Variants in CMPK2 observed in about 807,000 individuals in gnomAD.
CMPK2 encodes UMP-CMP kinase 2, mitochondrial.
A neutral mutation model predicts 33.4 loss-of-function variants in CMPK2; 32 were observed. The observed-to-expected ratio is 0.96, with a 90% confidence interval of 0.72 to 1.29. The LOEUF is 1.29. CMPK2 is among the 50% of genes most tolerant of loss of function. CMPK2 has a pLI of 0.00. For missense variants in CMPK2, 672 were observed against 616.0 expected, an observed-to-expected ratio of 1.09 and a Z score of -0.96; for synonymous variants, 299 against 275.3, an observed-to-expected ratio of 1.09 and a Z score of -0.85.
chr2:6,858,427 T>A (rs1394856381), intron 3 of CMPK2, among the ~76,000 whole-genome samples: 1 of 152,242 alleles, frequency 6.6e-6, no homozygotes, highest in African/African-American at 2.4e-5. Context: ...ATGTTAAGTT[T>A]GCTCCATGAA....
At position 6,849,783 on chromosome 2, in the gene CMPK2, C is replaced by T. The variant is rs1418692885; in HGVS notation, c.*67G>A. On this transcript the variant is annotated 3_prime_UTR_variant, in exon 5 of 5. Coordinates refer to ENST00000256722, the MANE Select transcript of CMPK2 (RefSeq NM_207315.4). ...ACAGAAATTTGGGAACACTGCATAA[C>T]AAATGGTGGATGTAGATGTTTCAAA... 8 of 1,602,888 alleles carry T rather than the reference C, an allele frequency of 5.0e-6. No individual in the cohort carries two copies.
Position 6,851,701 on chromosome 2 carries a change from A to G in CMPK2, c.993-18T>C, listed in dbSNP as rs1283043533. ...GCCAGTACCTGAGAAGGAATGGGGT[A>G]GTGAGTTCTCTGTCTGCAGAAGAAG... On this transcript the variant is annotated intron_variant, in intron 3 of 4. Coordinates refer to ENST00000256722, the MANE Select transcript of CMPK2 (RefSeq NM_207315.4). 6.2e-7 allele frequency: 1 copy of G among 1,608,790 alleles called. No homozygotes were observed. Among genetic ancestry groups the G allele is most frequent in the Admixed American group, 1.7e-5 (1 of 59,952 alleles).
chr2:6,841,005 T>A (rs1662216040), intron 3 of CMPK2, among the ~76,000 whole-genome samples: 1 of 152,124 alleles, frequency 6.6e-6, no homozygotes, highest in Non-Finnish European at 1.5e-5. Flanking sequence ...GACCACTTCC[T>A]GAGGTGTCTC....
rs1394617479 is a variant in CMPK2, at chr2:6,861,112, ACACACACACACACACC to A, written c.992+56_992+71del. 3.0e-4 allele frequency: 386 copies of A among 1,277,738 alleles called. 5 individuals carry two copies. The highest frequency in any genetic ancestry group is 1.1e-3 in the East Asian group (49 of 42,944). The allele number at this position is 1,277,738 out of a possible 1,614,324, so 79.2% of individuals were successfully genotyped here. On this transcript the variant is annotated intron_variant, in intron 3 of 4. Transcript: ENST00000256722. ...TACGTATACACACACACGCACACAC[ACACACACACACACACC>A]CACACACTTATATATTAGGGAGAAA...
chr2:6,859,634 G>A (rs1662815130), intron 3 of CMPK2, among the ~76,000 whole-genome samples: 1 of 152,232 alleles, frequency 6.6e-6, no homozygotes, highest in African/African-American at 2.4e-5. Flanking sequence ...GTACACAGAA[G>A]TCAAGAATGG....
At chr2:6,853,795 G>A (rs551681364) in intron 3 of CMPK2, among the ~76,000 whole-genome samples, 14 of 152,166 alleles carry the variant, frequency 9.2e-5, no homozygotes, top group Non-Finnish European at 1.5e-4. Flanking sequence ...CCAGCTACTC[G>A]GGAGGCTGAG....
intron 3 of CMPK2, among the ~76,000 whole-genome samples, chr2:6,855,036 A>G (rs1004822117): frequency 1.3e-5 from 2 of 151,970 alleles, no homozygotes; most frequent in African/African-American, 4.8e-5. Flanking sequence ...TGTATCAAAA[A>G]AGATGTCAAT....
intron 3 of CMPK2, among the ~76,000 whole-genome samples, chr2:6,855,899 A>G (rs1662691975): frequency 6.6e-6 from 1 of 152,200 alleles, no homozygotes; most frequent in South Asian, 2.1e-4. Flanking sequence ...TCAAGAAAGG[A>G]GTAGTAGTTC....
At chr2:6,851,076 C>T in intron 4 of CMPK2, 2 of 1,073,942 alleles carry the variant, frequency 1.9e-6, no homozygotes, top group South Asian at 2.9e-5. Context: ...AAATGCCTGA[C>T]ACACGGGAAG....
downstream of CMPK2, among the ~76,000 whole-genome samples, chr2:6,848,022 A>G (rs1017794988): frequency 5.9e-5 from 9 of 152,194 alleles, no homozygotes; most frequent in Non-Finnish European, 1.2e-4. Context: ...AGGAGGTGCT[A>G]TTTTACAAAA....
rs576276738 is a variant in CMPK2 at position 6,859,967 on chromosome 2, G to T, written c.992+1217C>A. On this transcript the variant is annotated intron_variant, in intron 3 of 4. Transcript: ENST00000256722. ...TATACCCTGCAAAGCCACAGGGATG[G>T]AGCTGTCCAAGACCATGAGGACCCA... Among the ~76,000 whole-genome samples the T allele has an allele frequency of 1.8e-4, 27 of 152,344 alleles. No homozygotes were observed. The South Asian group carries it at 5.4e-3, about 30-fold the overall frequency.
At chr2:6,857,431 G>A (rs1662743750) in intron 3 of CMPK2, among the ~76,000 whole-genome samples, 1 of 149,036 alleles carries the variant, frequency 6.7e-6, no homozygotes. Flanking sequence ...TCTCCTTCCT[G>A]AGTCTCCTAA....
At chr2:6,843,750 G>A (rs6754833), downstream of CMPK2, among the ~76,000 whole-genome samples, 762 of 152,278 alleles carry the variant, frequency 5.0e-3, 7 homozygotes, top group African/African-American at 0.017. Context: ...TACTACAACC[G>A]AGGGGCTATG....
intron 3 of CMPK2, 22 bp downstream of exon 3, chr2:6,861,162 T>G (rs750270466): frequency 6.3e-7 from 1 of 1,583,738 alleles, no homozygotes; most frequent in Admixed American, 1.7e-5. Context: ...AAATGCCTAA[T>G]TCAAGGCATC....
intron 3 of CMPK2, among the ~76,000 whole-genome samples, chr2:6,857,197 T>C (rs571109080): frequency 2.0e-5 from 3 of 152,332 alleles, no homozygotes; most frequent in African/African-American, 7.2e-5. Flanking sequence ...TCATGGTGAT[T>C]ATAATCTTCT....
downstream of CMPK2, among the ~76,000 whole-genome samples, chr2:6,845,788 A>T (rs933836195): frequency 6.6e-6 from 1 of 152,214 alleles, no homozygotes; most frequent in African/African-American, 2.4e-5. Context: ...AATGGGACTG[A>T]TTAACTTCCA....
intron 3 of CMPK2, among the ~76,000 whole-genome samples, chr2:6,859,053 C>G (rs991297450): frequency 6.6e-6 from 1 of 152,180 alleles, no homozygotes; most frequent in Non-Finnish European, 1.5e-5. Context: ...AGAACTGGAG[C>G]AAAGGTAACT....
At chr2:6,845,373 TAAG>T (rs1183987642), downstream of CMPK2, among the ~76,000 whole-genome samples, 1 of 152,132 alleles carries the variant, frequency 6.6e-6, no homozygotes, top group Non-Finnish European at 1.5e-5. Flanking sequence ...ACCCATCTAA[TAAG>T]AGATGGGAGA....
At chr2:6,853,628 T>C (rs1330423416) in intron 3 of CMPK2, among the ~76,000 whole-genome samples, 1 of 152,098 alleles carries the variant, frequency 6.6e-6, no homozygotes, top group Admixed American at 6.5e-5. Context: ...AGGACAGCAC[T>C]GAAAAGGAAA....
Sources: gnomAD v4.1 joint callset for allele counts (sites outside exome capture counted in the v4.1 genomes callset) on GRCh38, gnomAD v4.1.1 for gene constraint, MANE v1.5 for transcripts, NCBI Gene and HGNC (gene_info 2026-07-23, HGNC 2026-07-21) for gene names.